Variants in SLC2A13 observed in about 807,000 individuals in gnomAD.
The protein encoded by SLC2A13 is solute carrier family 2 member 13, also known as proton myo-inositol cotransporter.
SLC2A13 carries 32 observed loss-of-function variants against 64.4 expected under a neutral mutation model. The ratio of observed to expected loss-of-function variants is 0.50; its 90% CI spans 0.37 to 0.67. The LOEUF (loss-of-function observed/expected upper bound fraction) is 0.67. Ranked by LOEUF, SLC2A13 falls within the 30% of genes least tolerant of loss-of-function variation. The probability of loss-of-function intolerance (pLI) is 0.00; values close to 1 mark genes in which losing one functional copy is unlikely to be tolerated. For synonymous variants in SLC2A13, 338 were observed against 327.1 expected (o/e 1.03, Z -0.36); for missense variants, 743 against 829.2 (o/e 0.90, Z 1.28).
rs150231577 is a variant in SLC2A13 at position 40,033,590 on chromosome 12, G to C, written c.717-5081C>G. On this transcript the variant is annotated intron_variant, in intron 2 of 9. Coordinates refer to ENST00000280871, the MANE Select transcript of SLC2A13 (RefSeq NM_052885.4). The stretch of plus-strand genomic sequence containing the variant: ...TCCTTACTAAATCAAAACTCCCTAA[G>C]AGCATTACTGTTAAAATAGCTGACT... 3.3e-5 allele frequency among the ~76,000 whole-genome samples: 5 copies of C among 152,256 alleles called. No individual in the cohort carries two copies. The East Asian group carries it at 9.6e-4, about 29-fold the overall frequency.
rs1363729469 is a variant in SLC2A13, at chr12:39,968,761, TATATATATATATATATATATA to T, written c.926-17417_926-17397del. On this transcript the variant is annotated intron_variant, in intron 3 of 9. Transcript: ENST00000280871. ...TTTTATTTTTGTTGTTTTTTTTTGGTATATATATATATATATATATATATATATATATATATATATATATAT... is the reference window on the plus strand; with the variant it reads ...TTTTATTTTTGTTGTTTTTTTTTGGTTATATATATATATATATATATATAT... 5.7e-5 allele frequency among the ~76,000 whole-genome samples: 6 copies of T among 105,276 alleles called. 1 individual carries two copies. The highest frequency in any genetic ancestry group is 4.7e-4 in the Admixed American group (5 of 10,620). The allele number at this position is 105,276 out of a possible 152,430, so 69.1% of individuals were successfully genotyped here.
At chr12:39,956,130 C>T (rs1946310808) in intron 3 of SLC2A13, among the ~76,000 whole-genome samples, 1 of 152,092 alleles carries the variant, frequency 6.6e-6, no homozygotes, top group Non-Finnish European at 1.5e-5. Context: ...ATCTTCAATG[C>T]AACAGACAAA....
At chr12:39,795,220 T>G (rs1941537063) in intron 7 of SLC2A13, among the ~76,000 whole-genome samples, 1 of 152,130 alleles carries the variant, frequency 6.6e-6, no homozygotes, top group Non-Finnish European at 1.5e-5. Context: ...GTGTGTCACA[T>G]CTTTTTTTTA....
chr12:39,854,593 T>C (rs1203875966), intron 6 of SLC2A13, among the ~76,000 whole-genome samples: 2 of 152,176 alleles, frequency 1.3e-5, no homozygotes, highest in African/African-American at 4.8e-5. Flanking sequence ...TCTCTGGGGC[T>C]GCCAGACTCT....
Position 39,757,062 on chromosome 12 carries a change from A to G in SLC2A13, c.*2964T>C, listed in dbSNP as rs551926421. Reference sequence around the variant, plus strand: ...AATCAAAATTATTAGGAATGTTTACATTGAAGAAAATTATTAACGGCAAAC... The same window carrying G: ...AATCAAAATTATTAGGAATGTTTACGTTGAAGAAAATTATTAACGGCAAAC... On this transcript the variant is annotated 3_prime_UTR_variant, in exon 10 of 10. Coordinates refer to ENST00000280871, the MANE Select transcript of SLC2A13 (RefSeq NM_052885.4). 1 of 151,964 alleles carries G rather than the reference A, an allele frequency of 6.6e-6. No homozygotes were observed. Among genetic ancestry groups the G allele is most frequent in the East Asian group, 1.9e-4 (1 of 5,296 alleles). The allele number at this position is 151,964 out of a possible 1,614,324, so 9.4% of individuals were successfully genotyped here.
At chr12:39,990,927 T>A (rs1947126725) in intron 3 of SLC2A13, among the ~76,000 whole-genome samples, 1 of 152,166 alleles carries the variant, frequency 6.6e-6, no homozygotes, top group African/African-American at 2.4e-5. Flanking sequence ...AGTCTCCTTT[T>A]TTCATCAACG....
intron 4 of SLC2A13, among the ~76,000 whole-genome samples, chr12:39,909,532 C>T (rs923057286): frequency 1.3e-5 from 2 of 152,030 alleles, no homozygotes; most frequent in Non-Finnish European, 2.9e-5. Flanking sequence ...TACATACAGA[C>T]CTGTTATAAA....
chr12:39,977,659 C>CA (rs1214250816), intron 3 of SLC2A13, among the ~76,000 whole-genome samples: 2 of 152,218 alleles, frequency 1.3e-5, no homozygotes, highest in African/African-American at 4.8e-5. Context: ...GAAATATCTT[C>CA]AGAGCCAGTG....
At chr12:39,958,303 G>A (rs1198580670) in intron 3 of SLC2A13, among the ~76,000 whole-genome samples, 2 of 152,110 alleles carry the variant, frequency 1.3e-5, no homozygotes, top group African/African-American at 4.8e-5. Context: ...TCTCCCAGTG[G>A]GACAGTGCAC....
chr12:40,079,418 G>C (rs1938306094), intron 1 of SLC2A13, among the ~76,000 whole-genome samples: 1 of 152,162 alleles, frequency 6.6e-6, no homozygotes, highest in Non-Finnish European at 1.5e-5. Context: ...TGTACAGTTT[G>C]GGGGATCTTC....
intron 3 of SLC2A13, among the ~76,000 whole-genome samples, chr12:40,013,089 A>G (rs1592006011): frequency 2.0e-5 from 3 of 152,148 alleles, no homozygotes; most frequent in East Asian, 3.9e-4. Context: ...TTTAGTTTCT[A>G]TAGTCAAAAG....
chr12:40,080,079 C>A (rs1021535602), intron 1 of SLC2A13, among the ~76,000 whole-genome samples: 1 of 152,194 alleles, frequency 6.6e-6, no homozygotes, highest in African/African-American at 2.4e-5. Context: ...CCAGGCTGGT[C>A]TTGAACTTCT....
chr12:39,771,267 G>C (rs1049091881), intron 7 of SLC2A13, among the ~76,000 whole-genome samples: 1 of 152,034 alleles, frequency 6.6e-6, no homozygotes, highest in Non-Finnish European at 1.5e-5. Context: ...AGTGACCTTG[G>C]ATTTGCTTCC....
intron 6 of SLC2A13, among the ~76,000 whole-genome samples, chr12:39,840,050 G>A (rs1448376204): frequency 6.7e-6 from 1 of 150,226 alleles, no homozygotes; most frequent in Non-Finnish European, 1.5e-5. Flanking sequence ...TTTTGTTTTT[G>A]AGACAGAGTC....
intron 4 of SLC2A13, among the ~76,000 whole-genome samples, chr12:39,923,690 G>GCACACACACACACACA (rs1195057830): frequency 2.7e-5 from 1 of 36,442 alleles, no homozygotes; most frequent in South Asian, 8.4e-4. Context: ...ATATATATGC[G>GCACACACACACACACA]CACGCGCACA....
chr12:40,090,129 T>A (rs1426260850), intron 1 of SLC2A13, among the ~76,000 whole-genome samples: 1 of 152,174 alleles, frequency 6.6e-6, no homozygotes, highest in Non-Finnish European at 1.5e-5. Flanking sequence ...ATATGCAGAA[T>A]TTTCCTAATC....
intron 3 of SLC2A13, 70 bp from the exon 4 acceptor site, chr12:39,951,435 A>G: frequency 7.9e-7 from 1 of 1,263,600 alleles, no homozygotes. Context: ...TATTCCCAAT[A>G]GGACAAATTT....
rs371415715 is a variant in SLC2A13 at position 39,896,605 on chromosome 12, T to C, written c.1035-24644A>G. 3.5e-4 allele frequency among the ~76,000 whole-genome samples: 53 copies of C among 151,482 alleles called. No homozygotes were observed. The East Asian group carries it at 8.6e-3, about 24-fold the overall frequency. On this transcript the variant is annotated intron_variant, in intron 4 of 9. Coordinates refer to ENST00000280871, the MANE Select transcript of SLC2A13 (RefSeq NM_052885.4). ...GTATATATGTATACATATATGTATG[T>C]ATATGTGTTTATATGTAAATTACAT...
chr12:40,023,364 G>A (rs1947753883), intron 3 of SLC2A13, among the ~76,000 whole-genome samples: 1 of 152,198 alleles, frequency 6.6e-6, no homozygotes, highest in South Asian at 2.1e-4. Flanking sequence ...GGCTCCTGCA[G>A]CGGGGCCAGG....
Sources: gnomAD v4.1 joint callset for allele counts (sites outside exome capture counted in the v4.1 genomes callset) on GRCh38, gnomAD v4.1.1 for gene constraint, MANE v1.5 for transcripts, NCBI Gene and HGNC (gene_info 2026-07-23, HGNC 2026-07-21) for gene names.